The following TATDN3 variants were observed in gnomAD, a reference collection of about 807,000 sequenced individuals.
The protein encoded by TATDN3 is deoxyribonuclease TATDN3.
A neutral mutation model predicts 40.1 loss-of-function variants in TATDN3; 29 were observed. The ratio of observed to expected loss-of-function variants is 0.72; its 90% CI spans 0.54 to 0.99. The LOEUF is 0.99. TATDN3 is among the 50% of genes least tolerant of loss of function. The pLI, the probability that TATDN3 is intolerant of heterozygous loss-of-function variation, is 0.00. For synonymous variants in TATDN3, 105 were observed against 117.0 expected, an observed-to-expected ratio of 0.90 and a Z score of 0.66; for missense variants, 309 against 321.9, an observed-to-expected ratio of 0.96 and a Z score of 0.31.
At chr1:212,813,487 CTA>C (rs1000671881) in intron 9 of TATDN3, among the ~76,000 whole-genome samples, 1 of 151,502 alleles carries the variant, frequency 6.6e-6, no homozygotes, top group African/African-American at 2.4e-5. Flanking sequence ...TATTCAGAAA[CTA>C]TGATTATATG....
intron 8 of TATDN3, 115 bp downstream of exon 8, chr1:212,807,963 C>G: frequency 1.6e-6 from 1 of 628,630 alleles, no homozygotes; most frequent in East Asian, 3.0e-5. Context: ...AATCTTAGGT[C>G]TCTACCTCAC....
chr1:212,811,247 C>T (rs1319020436), intron 8 of TATDN3, among the ~76,000 whole-genome samples: 1 of 151,602 alleles, frequency 6.6e-6, no homozygotes, highest in South Asian at 2.1e-4. Context: ...GTGATTCTGC[C>T]TCAACCTCCC....
At chr1:212,808,142 G>A (rs11120032) in intron 8 of TATDN3, among the ~76,000 whole-genome samples, 65,467 of 151,586 alleles carry the variant, frequency 0.43, 15,013 homozygotes, top group Non-Finnish European at 0.51. Context: ...GTGAAACCCC[G>A]TCCCTACTAA....
intron 5 of TATDN3, 61 bp from the exon 6 acceptor site, chr1:212,804,259 A>G (rs1264153829): frequency 1.7e-6 from 2 of 1,206,760 alleles, no homozygotes; most frequent in South Asian, 1.3e-5. Context: ...CATCAATCCA[A>G]AGATCTCTTT....
chr1:212,809,684 CAAAAAAA>C (rs753985101), intron 8 of TATDN3, among the ~76,000 whole-genome samples: 3 of 82,366 alleles, frequency 3.6e-5, no homozygotes, highest in Admixed American at 1.4e-4. Flanking sequence ...GACTCCGTCT[CAAAAAAA>C]AAAAAAAGAA....
rs748761224 is a variant in TATDN3, at chr1:212,804,380, C to G, written c.382C>G (p.Gln128Glu). ...GTGEQKEEQR[Q>E]VLIRQIQLAK... ...TGGTGAACAGAAGGAAGAGCAAAGA[C>G]AAGTCCTAATCAGACAGATCCAGTT... The change falls in exon 6 of 10, where the codon CAA (glutamine) becomes GAA (glutamate). Residue 128 changes from glutamine to glutamate, a missense_variant. Coordinates refer to ENST00000366974, the MANE Select transcript of TATDN3 (RefSeq NM_001042552.3). 1.9e-6 allele frequency: 3 copies of G among 1,614,108 alleles called. No homozygotes were observed. Among genetic ancestry groups the G allele is most frequent in the East Asian group, 4.5e-5 (2 of 44,872 alleles).
chr1:212,797,886 T>C (rs1661890167), intron 4 of TATDN3, among the ~76,000 whole-genome samples: 2 of 152,236 alleles, frequency 1.3e-5, no homozygotes, highest in Admixed American at 1.3e-4. Context: ...GTATGTCTTA[T>C]ATTTCACACT....
rs747537076 is a variant in TATDN3, at chr1:212,815,007, T to C, written c.682-6T>C. 3.7e-6 allele frequency: 6 copies of C among 1,611,306 alleles called. No individual in the cohort carries two copies. The East Asian group carries it at 1.1e-4, about 30-fold the overall frequency. The stretch of plus-strand genomic sequence containing the variant: ...GTTTGACATGGTGTCTGCTGTCTTG[T>C]TTCAGGTACGGAATGAGCCCTGGAA... On this transcript the variant is annotated splice_region_variant and splice_polypyrimidine_tract_variant and intron_variant, in intron 9 of 9. Transcript: ENST00000366974.
chr1:212,795,605 A>G (rs12568552), intron 2 of TATDN3, among the ~76,000 whole-genome samples: 100,136 of 151,876 alleles, frequency 0.66, 33,373 homozygotes, highest in Non-Finnish European at 0.69. Flanking sequence ...TAGAGACAAG[A>G]TCTGACTATA....
chr1:212,810,292 G>A (rs1163938390), intron 8 of TATDN3, among the ~76,000 whole-genome samples: 2 of 151,980 alleles, frequency 1.3e-5, no homozygotes, highest in East Asian at 1.9e-4. Context: ...GGTGGATCAC[G>A]ACGTGGTCAG....
rs185741445 is a variant in TATDN3, at chr1:212,791,988, G to T, written c.66+1G>T. On this transcript the variant is annotated splice_donor_variant, in intron 1 of 9. Transcript: ENST00000366974. LOFTEE classifies it high-confidence loss of function. The stretch of plus-strand genomic sequence containing the variant: ...CCTCTCCGCCCCGGACTTTGACCGC[G>T]TATGTGAGGGCGATACGGGACCAGA... The T allele has an allele frequency of 2.1e-5, 34 of 1,613,980 alleles. No individual in the cohort carries two copies. The East Asian group carries it at 7.6e-4, about 36-fold the overall frequency.
intron 2 of TATDN3, 91 bp from the exon 3 acceptor site, chr1:212,796,426 G>A (rs1661762548): frequency 2.0e-6 from 2 of 983,588 alleles, no homozygotes; most frequent in Non-Finnish European, 2.8e-6. Context: ...GCTGAACAAG[G>A]ATAACTAAAA....
Position 212,799,287 on chromosome 1 carries a change from G to A in TATDN3, c.258+2091G>A, listed in dbSNP as rs140301876. Among the ~76,000 whole-genome samples, 826 of 152,228 alleles carry A rather than the reference G, an allele frequency of 5.4e-3. 9 individuals are homozygous for A. Among genetic ancestry groups the A allele is most frequent in the African/African-American group, 0.019 (787 of 41,528 alleles). On this transcript the variant is annotated intron_variant, in intron 4 of 9. Transcript: ENST00000366974. Reference sequence around the variant, plus strand: ...TTTATGTTTTAAAAAGATCCTCTTGGCTCTGGCCAAAATGAGTTTGGTGAA... The same window carrying A: ...TTTATGTTTTAAAAAGATCCTCTTGACTCTGGCCAAAATGAGTTTGGTGAA...
At chr1:212,796,981 C>G (rs1318140273) in intron 3 of TATDN3, 131 bp from the exon 4 acceptor site, 2 of 663,296 alleles carry the variant, frequency 3.0e-6, no homozygotes, top group Non-Finnish European at 5.3e-6. Context: ...AGTGATCCAC[C>G]TGGTTCAGCC....
intron 1 of TATDN3, 64 bp from the exon 2 acceptor site, chr1:212,795,031 T>A: frequency 7.7e-7 from 1 of 1,293,134 alleles, no homozygotes; most frequent in South Asian, 1.2e-5. Flanking sequence ...TACATTGACA[T>A]ATACAGTCCA....
rs183486586 is a variant in TATDN3 at position 212,808,299 on chromosome 1, C to T, written c.600+451C>T. ...TGCACTCCAGCCTGGTCAACAAGGG[C>T]GAAACTCCATCTCAAAAAAAAAAAA... is the stretch of plus-strand genomic sequence containing the variant. On this transcript the variant is annotated intron_variant, in intron 8 of 9. Coordinates refer to ENST00000366974, the MANE Select transcript of TATDN3 (RefSeq NM_001042552.3). Among the ~76,000 whole-genome samples the T allele has an allele frequency of 2.7e-3, 366 of 138,110 alleles. 1 individual carries two copies. The highest frequency in any genetic ancestry group is 8.7e-3 in the African/African-American group (335 of 38,510). 90.6% of individuals were successfully genotyped at this position (138,110 alleles called of 152,430 possible). A position where few individuals can be genotyped will look rare whatever the true frequency, so the allele number is the denominator to read the frequency against.
chr1:212,799,665 G>A (rs1228791455), intron 4 of TATDN3, among the ~76,000 whole-genome samples: 2 of 151,948 alleles, frequency 1.3e-5, no homozygotes, highest in African/African-American at 2.4e-5. Flanking sequence ...AGCCTCCTGA[G>A]TAGCTGGGAT....
intron 3 of TATDN3, 120 bp downstream of exon 3, chr1:212,796,710 G>A (rs577645555): frequency 3.1e-6 from 2 of 650,424 alleles, no homozygotes; most frequent in African/African-American, 3.8e-5. Context: ...TTTTAACATA[G>A]CCCTAAAGAG....
intron 9 of TATDN3, among the ~76,000 whole-genome samples, chr1:212,812,955 C>T (rs1662977911): frequency 6.6e-6 from 1 of 151,464 alleles, no homozygotes; most frequent in Non-Finnish European, 1.5e-5. Flanking sequence ...TGCAGTGAGC[C>T]GAGATTGCAC....
Sources: allele counts gnomAD v4.1 joint callset (sites outside exome capture counted in the v4.1 genomes callset), GRCh38; gene constraint gnomAD v4.1.1; transcripts MANE v1.5; gene names NCBI Gene and HGNC (gene_info 2026-07-23, HGNC 2026-07-21).